Variants in ZNF106 observed in about 807,000 individuals in gnomAD.
The protein encoded by ZNF106 is SH3-domain binding protein 3.
A neutral mutation model predicts 195.1 loss-of-function variants in ZNF106; 67 were observed. The observed-to-expected ratio is 0.34, with a 90% CI of 0.28 to 0.42. ZNF106 has a LOEUF of 0.42. Ranked by LOEUF, ZNF106 falls within the 10% of genes least tolerant of loss-of-function variation. The pLI, the probability that ZNF106 is intolerant of heterozygous loss-of-function variation, is 1.00. For missense variants in ZNF106, 2,118 were observed against 2,304.5 expected (o/e 0.92, Z 1.66); for synonymous variants, 784 against 818.6 (o/e 0.96, Z 0.72).
At chr15:42,424,793 A>C in intron 16 of ZNF106, 41 bp downstream of exon 16, 7 of 1,587,664 alleles carry the variant, frequency 4.4e-6, no homozygotes, top group Non-Finnish European at 6.0e-6. Flanking sequence ...AAACCCTTCT[A>C]TTTGTGCCAG....
intron 1 of ZNF106, among the ~76,000 whole-genome samples, chr15:42,479,012 G>A (rs1404532648): frequency 6.6e-6 from 1 of 152,154 alleles, no homozygotes; most frequent in African/African-American, 2.4e-5. Context: ...TTGACTCACA[G>A]ATTATTTGGA....
At chr15:42,443,831 G>A (rs974344460) in intron 9 of ZNF106, among the ~76,000 whole-genome samples, 1 of 152,086 alleles carries the variant, frequency 6.6e-6, no homozygotes, top group Non-Finnish European at 1.5e-5. Context: ...AAAAGGCCTG[G>A]TGCAGTGGCT....
chr15:42,467,727 G>C (rs1440471361), intron 2 of ZNF106, among the ~76,000 whole-genome samples: 1 of 152,168 alleles, frequency 6.6e-6, no homozygotes, highest in Non-Finnish European at 1.5e-5. Context: ...AGAATCGCTT[G>C]AACCTGGGAA....
Position 42,435,426 on chromosome 15 carries a change from G to A in ZNF106, c.4839C>T (p.Tyr1613=). ...GGATGGTATGGTCACTGGACCCGGT[G>A]TAAAGGGCAGCATTCTTCCCGGAGG... ...TQTSGKNAAL[Y]TGSSDHTIRC... is the part of the protein sequence containing the mutation. The change falls in exon 14 of 22, where the codon TAC becomes TAT. Residue 1613 remains tyrosine, a synonymous_variant. Coordinates refer to ENST00000564754, the MANE Select transcript of ZNF106 (RefSeq NM_001366845.3). 3 of 1,614,216 alleles carry A rather than the reference G, an allele frequency of 1.9e-6. No individual in the cohort carries two copies. The highest frequency in any genetic ancestry group is 2.2e-5 in the East Asian group (1 of 44,892).
At position 42,449,851 on chromosome 15, in the gene ZNF106, T is replaced by A; in HGVS notation, c.2421A>T (p.Ala807=). 6.2e-7 allele frequency: 1 copy of A among 1,614,218 alleles called. No individual in the cohort carries two copies. The highest frequency in any genetic ancestry group is 1.3e-5 in the African/African-American group (1 of 75,064). The change falls in exon 5 of 22, where the codon GCA becomes GCT. Residue 807 remains alanine (A), a synonymous_variant. Transcript: ENST00000564754. ...GTTCCCAGTTGACATTTCTCCGAGA[T>A]GCATTTAGAATCTGCCGTAGGGTTG... ...LKPTLRQILN[A]SRRNVNWEQV...
chr15:42,478,512 CTTTT>C (rs58475332), intron 1 of ZNF106, among the ~76,000 whole-genome samples: 2 of 77,614 alleles, frequency 2.6e-5, no homozygotes. Flanking sequence ...TCCTCTTTTT[CTTTT>C]TTTTTTTTTT....
At chr15:42,428,625 T>G (rs984044571) in intron 14 of ZNF106, among the ~76,000 whole-genome samples, 2 of 152,214 alleles carry the variant, frequency 1.3e-5, no homozygotes, top group African/African-American at 4.8e-5. Flanking sequence ...AAGAGGCTTT[T>G]AAAATACATA....
At chr15:42,436,683 AGT>A (rs1188548600) in intron 13 of ZNF106, among the ~76,000 whole-genome samples, 2 of 152,240 alleles carry the variant, frequency 1.3e-5, no homozygotes, top group African/African-American at 4.8e-5. Context: ...GATAATACTA[AGT>A]GTGAGGCAGT....
chr15:42,419,673 C>T (rs955543409), intron 20 of ZNF106, among the ~76,000 whole-genome samples: 3 of 152,114 alleles, frequency 2.0e-5, no homozygotes, highest in Non-Finnish European at 4.4e-5. Flanking sequence ...TAATGCAGGC[C>T]GGGCACTGTG....
intron 1 of ZNF106, among the ~76,000 whole-genome samples, chr15:42,474,783 G>T (rs532923903): frequency 6.6e-6 from 1 of 152,152 alleles, no homozygotes; most frequent in South Asian, 2.1e-4. Context: ...AATACCAGGG[G>T]TTTAGATTAA....
chr15:42,434,645 A>C (rs915517657), intron 14 of ZNF106, among the ~76,000 whole-genome samples: 1 of 152,216 alleles, frequency 6.6e-6, no homozygotes, highest in Non-Finnish European at 1.5e-5. Flanking sequence ...GAAATTAAAA[A>C]CATATTGTAT....
Position 42,472,223 on chromosome 15 carries a change from C to T in ZNF106, c.54+13G>A. 2 of 1,534,060 alleles carry T rather than the reference C, an allele frequency of 1.3e-6. No homozygotes were observed. Among genetic ancestry groups the T allele is most frequent in the Non-Finnish European group, 8.7e-7 (1 of 1,145,890 alleles). Reference sequence around the variant, plus strand: ...AGTCATAAAGCCTCAGATTCTCCCTCTTCCATTATTACCTTTTTTGAGCTG... The same window carrying T: ...AGTCATAAAGCCTCAGATTCTCCCTTTTCCATTATTACCTTTTTTGAGCTG... On this transcript the variant is annotated intron_variant, in intron 2 of 21. Transcript: ENST00000564754.
intron 10 of ZNF106, among the ~76,000 whole-genome samples, chr15:42,441,001 ATATATATATATATATATATATATATAT>A (rs1567009291): frequency 0.013 from 218 of 16,340 alleles, 35 homozygotes; most frequent in African/African-American, 0.035. Context: ...AAAAAAAAAT[ATATATATATATATATATATATATATAT>A]ATATATATAT....
chr15:42,450,188 G>A lies in ZNF106; in HGVS notation c.2084C>T (p.Thr695Ile). Residue 695 changes from threonine (T) to isoleucine (I), a missense_variant, in exon 5 of 22, where the codon ACC (threonine) becomes ATC (isoleucine). Transcript: ENST00000564754. ...PHPGLLLDLK[T>I]SLEDAQVDDS... ...ATCAACCTGTGCATCTTCTAGAGAG[G>A]TTTTCAAGTCTAGCAATAAGCCAGG... 6.2e-7 allele frequency: 1 copy of A among 1,614,194 alleles called. No homozygotes were observed. The highest frequency in any genetic ancestry group is 8.5e-7 in the Non-Finnish European group (1 of 1,180,028).
At chr15:42,464,217 G>A (rs2056460133) in intron 3 of ZNF106, among the ~76,000 whole-genome samples, 1 of 147,576 alleles carries the variant, frequency 6.8e-6, no homozygotes, top group Non-Finnish European at 1.5e-5. Flanking sequence ...ACGCACGCCT[G>A]TAATCCCAGC....
Position 42,435,504 on chromosome 15 carries a change from A to G in ZNF106, c.4761T>C (p.Ile1587=), listed in dbSNP as rs1486489888. 3.7e-6 allele frequency: 6 copies of G among 1,614,084 alleles called. No individual in the cohort carries two copies. Among genetic ancestry groups the G allele is most frequent in the East Asian group, 2.2e-5 (1 of 44,900 alleles). Residue 1587 remains isoleucine (I), a synonymous_variant, in exon 14 of 22, where the codon ATT becomes ATC. Transcript: ENST00000564754. ...TGGAGGTATGACCCTCAAAGACACC[A>G]ATACATTTCCGACTCTAAAGTTTAA... ...RVYNLVSRKC[I]GVFEGHTSKV... is the part of the protein sequence containing the mutation.
Position 42,439,026 on chromosome 15 carries a change from T to G in ZNF106, c.4544+7A>C. ...TTGTTCTGACTGGACCAATACAATA[T>G]TCTTACCTTACAGGGATGCCATCTT... is the stretch of plus-strand genomic sequence containing the variant. On this transcript the variant is annotated splice_region_variant and intron_variant, in intron 11 of 21. Transcript: ENST00000564754. 1 of 1,606,894 alleles carries G rather than the reference T, an allele frequency of 6.2e-7. No individual in the cohort carries two copies. The highest frequency in any genetic ancestry group is 8.5e-7 in the Non-Finnish European group (1 of 1,176,524).
intron 1 of ZNF106, among the ~76,000 whole-genome samples, chr15:42,475,227 T>C (rs2056759364): frequency 6.6e-6 from 1 of 151,978 alleles, no homozygotes; most frequent in Admixed American, 6.6e-5. Context: ...CCGAGGTGGG[T>C]GGATAACTTG....
chr15:42,444,902 G>A lies in ZNF106; in HGVS notation c.3285C>T (p.Asn1095=). ...GGGCTGCACGGGCTTGCAGAAGATT[G>A]TTATCCATGCACTGCAATGACTTAC... The part of the protein sequence containing the change: ...ELSKSLQCMD[N]NLLQARAALQ... Residue 1095 remains asparagine (N), a synonymous_variant, in exon 8 of 22, where the codon AAC becomes AAT. Coordinates refer to ENST00000564754, the MANE Select transcript of ZNF106 (RefSeq NM_001366845.3). The A allele has an allele frequency of 1.2e-6, 2 of 1,614,200 alleles. No homozygotes were observed. The highest frequency in any genetic ancestry group is 2.2e-5 in the South Asian group (2 of 91,084).
Sources: gnomAD v4.1 joint callset for allele counts (sites outside exome capture counted in the v4.1 genomes callset) on GRCh38, gnomAD v4.1.1 for gene constraint, MANE v1.5 for transcripts, NCBI Gene and HGNC (gene_info 2026-07-23, HGNC 2026-07-21) for gene names.